Variants in VAC14 observed in about 807,000 individuals in gnomAD.
VAC14 encodes the protein VAC14 component of PIKFYVE complex, also known as protein VAC14 homolog.
VAC14 carries 47 observed loss-of-function variants against 85.3 expected under a neutral mutation model. The ratio of observed to expected loss-of-function variants is 0.55; its 90% CI spans 0.44 to 0.70. VAC14 has a LOEUF of 0.70. Ranked by LOEUF, VAC14 falls within the 30% of genes least tolerant of loss-of-function variation. VAC14 has a pLI of 0.00. For synonymous variants in VAC14, 447 were observed against 430.5 expected (o/e 1.04, Z -0.47); for missense variants, 861 against 1,004.3 (o/e 0.86, Z 1.93).
intron 12 of VAC14, among the ~76,000 whole-genome samples, chr16:70,759,491 G>C (rs76419261): frequency 0.075 from 11,351 of 152,164 alleles, 1,383 homozygotes; most frequent in African/African-American, 0.26. Context: ...AGTCAGGTGT[G>C]GTGGTACATG....
At chr16:70,768,658 T>G (rs533408120) in intron 10 of VAC14, 2 of 339,244 alleles carry the variant, frequency 5.9e-6, no homozygotes, top group South Asian at 4.2e-5. Flanking sequence ...GAAGACAGCT[T>G]CTGCTCTCAG....
intron 5 of VAC14, among the ~76,000 whole-genome samples, chr16:70,783,807 G>T (rs1271908028): frequency 1.3e-5 from 2 of 152,214 alleles, no homozygotes; most frequent in East Asian, 1.9e-4. Flanking sequence ...GGGAAGGACA[G>T]AAAAGGCTAG....
chr16:70,790,859 G>C (rs2034303527), intron 1 of VAC14, among the ~76,000 whole-genome samples: 1 of 152,226 alleles, frequency 6.6e-6, no homozygotes, highest in Non-Finnish European at 1.5e-5. Flanking sequence ...CTTAAGGGTA[G>C]AATATTCTTC....
intron 12 of VAC14, among the ~76,000 whole-genome samples, chr16:70,754,724 AC>A (rs1365453434): frequency 1.3e-4 from 20 of 151,616 alleles, no homozygotes; most frequent in Non-Finnish European, 2.4e-4. Flanking sequence ...CCGACACGGC[AC>A]CCCTCCATTC....
intron 16 of VAC14, 85 bp from the exon 17 acceptor site, chr16:70,695,708 G>T: frequency 7.5e-7 from 1 of 1,338,214 alleles, no homozygotes; most frequent in Non-Finnish European, 1.1e-6. Flanking sequence ...CCCTGCACCT[G>T]GCTTCCTGTG....
intron 10 of VAC14, among the ~76,000 whole-genome samples, chr16:70,763,989 G>A (rs1258057132): frequency 6.6e-6 from 1 of 152,210 alleles, no homozygotes; most frequent in Non-Finnish European, 1.5e-5. Context: ...GTGCCGACAG[G>A]TGCAGGCCAG....
chr16:70,743,071 G>A (rs1373434189), intron 13 of VAC14, among the ~76,000 whole-genome samples: 1 of 151,274 alleles, frequency 6.6e-6, no homozygotes, highest in African/African-American at 2.4e-5. Context: ...GATTGTAAAC[G>A]CACCAATCAG....
chr16:70,776,252 C>T (rs965717409), intron 9 of VAC14, among the ~76,000 whole-genome samples: 3 of 152,134 alleles, frequency 2.0e-5, no homozygotes, highest in South Asian at 2.1e-4. Context: ...AGGTGTGTGC[C>T]ACCTCGCCCA....
intron 6 of VAC14, 107 bp from the exon 7 acceptor site, chr16:70,783,246 G>A (rs2033895617): frequency 7.9e-7 from 1 of 1,262,954 alleles, no homozygotes; most frequent in South Asian, 1.4e-5. Context: ...AGGGCGGCTT[G>A]GCTTTTGGAC....
At chr16:70,742,989 C>T (rs532608655) in intron 13 of VAC14, among the ~76,000 whole-genome samples, 1 of 151,946 alleles carries the variant, frequency 6.6e-6, no homozygotes, top group African/African-American at 2.4e-5. Flanking sequence ...TGTAAAAACA[C>T]TAGCTAAAGG....
At chr16:70,767,338 GAAGA>G (rs141811696) in intron 10 of VAC14, among the ~76,000 whole-genome samples, 2,802 of 152,260 alleles carry the variant, frequency 0.018, 89 homozygotes, top group African/African-American at 0.063. Context: ...AATCAAATCA[GAAGA>G]AAGGTAAATC....
At position 70,784,108 on chromosome 16, in the gene VAC14, C is replaced by G. The variant is rs982916442; in HGVS notation, c.594+5G>C. 6.2e-7 allele frequency: 1 copy of G among 1,613,616 alleles called. No individual in the cohort carries two copies. Among genetic ancestry groups the G allele is most frequent in the Admixed American group, 1.7e-5 (1 of 60,026 alleles). ...CTGGAGAAACGGTGTCCGGCCAGGC[C>G]TTACCCAGGAGATGATGAACTGCCG... is the stretch of plus-strand genomic sequence containing the variant. On this transcript the variant is annotated splice_donor_5th_base_variant and intron_variant, in intron 5 of 18. Coordinates refer to ENST00000261776, the MANE Select transcript of VAC14 (RefSeq NM_018052.5).
chr16:70,721,499 C>G (rs949424142), intron 14 of VAC14, among the ~76,000 whole-genome samples: 2 of 151,932 alleles, frequency 1.3e-5, no homozygotes, highest in African/African-American at 4.8e-5. Flanking sequence ...ACAAGGATGG[C>G]GTCACATCAG....
chr16:70,745,262 C>T (rs879825430), intron 12 of VAC14, among the ~76,000 whole-genome samples: 6 of 152,208 alleles, frequency 3.9e-5, no homozygotes, highest in East Asian at 1.9e-4. Flanking sequence ...CAGAGTGGGG[C>T]GTGGGACCAG....
At chr16:70,789,885 G>A (rs150957432) in intron 1 of VAC14, among the ~76,000 whole-genome samples, 139 of 152,218 alleles carry the variant, frequency 9.1e-4, no homozygotes, top group African/African-American at 2.4e-3. Flanking sequence ...GTGGGAGTGG[G>A]GACATCCTCG....
At chr16:70,763,104 G>C (rs1047937542) in intron 10 of VAC14, 79 bp from the exon 11 acceptor site, 26 of 1,590,976 alleles carry the variant, frequency 1.6e-5, no homozygotes, top group Non-Finnish European at 2.2e-5. Flanking sequence ...ACCACCCTGG[G>C]CCTGCACATC....
intron 3 of VAC14, among the ~76,000 whole-genome samples, chr16:70,785,284 G>A (rs528845400): frequency 6.6e-6 from 1 of 152,226 alleles, no homozygotes; most frequent in Non-Finnish European, 1.5e-5. Flanking sequence ...CCTGGGAAGG[G>A]AACTCCACCA....
Position 70,717,943 on chromosome 16 carries a change from G to A in VAC14, c.1661+13552C>T, listed in dbSNP as rs1468974363. Among the ~76,000 whole-genome samples the A allele has an allele frequency of 3.3e-5, 5 of 152,190 alleles. No individual in the cohort carries two copies. The East Asian group carries it at 7.7e-4, about 23-fold the overall frequency. ...TGTGGGATTACTGGCATGAGCCACC[G>A]CGCCCGGCCTTGAGTATTCATCTGA... is the stretch of plus-strand genomic sequence containing the variant. On this transcript the variant is annotated intron_variant, in intron 14 of 18. Transcript: ENST00000261776.
Position 70,779,819 on chromosome 16 carries a change from G to A in VAC14, c.1096+971C>T, listed in dbSNP as rs536876805. Among the ~76,000 whole-genome samples, 7 of 152,050 alleles carry A rather than the reference G, an allele frequency of 4.6e-5. No individual in the cohort carries two copies. The East Asian group carries it at 5.8e-4, about 13-fold the overall frequency. ...TGGAGTCAAATTCCAGATGCCAGTCGGCATAAATGTGGTTTCTTTTTTCTT... is the reference window on the plus strand; with the variant it reads ...TGGAGTCAAATTCCAGATGCCAGTCAGCATAAATGTGGTTTCTTTTTTCTT... On this transcript the variant is annotated intron_variant, in intron 9 of 18. Transcript: ENST00000261776.
Sources: gnomAD v4.1 joint callset for allele counts (sites outside exome capture counted in the v4.1 genomes callset) on GRCh38, gnomAD v4.1.1 for gene constraint, MANE v1.5 for transcripts, NCBI Gene and HGNC (gene_info 2026-07-23, HGNC 2026-07-21) for gene names.